Variants in MFHAS1 observed in about 807,000 individuals in gnomAD.
MFHAS1 encodes malignant fibrous histiocytoma-amplified sequence 1.
MFHAS1 carries 50 observed loss-of-function variants against 70.4 expected under a neutral mutation model. The ratio of observed to expected loss-of-function variants is 0.71; its 90% CI spans 0.57 to 0.90. The LOEUF (loss-of-function observed/expected upper bound fraction) is 0.90. Among genes scored for constraint, MFHAS1 ranks in the 40% least tolerant of loss-of-function variants. The probability of loss-of-function intolerance (pLI) is 0.00; values close to 1 mark genes in which losing one functional copy is unlikely to be tolerated. For synonymous variants in MFHAS1, 952 were observed against 620.0 expected (o/e 1.54, Z -7.96); for missense variants, 1,795 against 1,347.6 (o/e 1.33, Z -5.20).
chr8:8,882,413 CAAAAT>C (rs756257198), intron 1 of MFHAS1, among the ~76,000 whole-genome samples: 6 of 151,430 alleles, frequency 4.0e-5, no homozygotes, highest in African/African-American at 7.3e-5. Flanking sequence ...AACAAACAAA[CAAAAT>C]ATCATAAACA....
intron 1 of MFHAS1, among the ~76,000 whole-genome samples, chr8:8,837,534 T>G (rs763458390): frequency 1.3e-5 from 2 of 151,782 alleles, no homozygotes; most frequent in African/African-American, 2.4e-5. Context: ...CCCAAGCTAC[T>G]CGAGAGGCTG....
intron 1 of MFHAS1, among the ~76,000 whole-genome samples, chr8:8,804,154 T>C (rs1009197430): frequency 6.6e-6 from 1 of 152,180 alleles, no homozygotes; most frequent in African/African-American, 2.4e-5. Flanking sequence ...TAGGCTCACT[T>C]GATAATTGAA....
chr8:8,880,368 G>C (rs756034162), intron 1 of MFHAS1, among the ~76,000 whole-genome samples: 1 of 152,180 alleles, frequency 6.6e-6, no homozygotes, highest in Non-Finnish European at 1.5e-5. Context: ...AAATGACAGG[G>C]AATAGTTTAC....
intron 1 of MFHAS1, among the ~76,000 whole-genome samples, chr8:8,853,652 C>T (rs772875631): frequency 6.6e-6 from 1 of 152,046 alleles, no homozygotes; most frequent in African/African-American, 2.4e-5. Flanking sequence ...CTGCAAACTC[C>T]GCCTCCAGGG....
chr8:8,879,995 C>T lies in MFHAS1; in HGVS notation c.2998+10066G>A, dbSNP rs1040649446. ...AGCTCTATGCAGAAGACAAGAATTA[C>T]ACAACATTTATTTGTACTTCTCTTC... On this transcript the variant is annotated intron_variant, in intron 1 of 2. Coordinates refer to ENST00000276282, the MANE Select transcript of MFHAS1 (RefSeq NM_004225.3). Among the ~76,000 whole-genome samples, 4 of 152,202 alleles carry T rather than the reference C, an allele frequency of 2.6e-5. No individual in the cohort carries two copies. In the South Asian group the frequency reaches 8.3e-4, roughly 32 times the overall value.
At position 8,891,313 on chromosome 8, in the gene MFHAS1, C is replaced by T. The variant is rs1666239029; in HGVS notation, c.1746G>A (p.Arg582=). The T allele has an allele frequency of 1.2e-6, 2 of 1,611,218 alleles. No individual in the cohort carries two copies. The highest frequency in any genetic ancestry group is 1.7e-6 in the Non-Finnish European group (2 of 1,180,032). ...GGCTGGCAGAGCGCAGCTCGAAGTC[C>T]CGGGCCAGTGCCTCGTCCACCACCT... ...LAKVVDEALA[R]DFELRSASPH... The change falls in exon 1 of 3, where the codon CGG becomes CGA. Residue 582 remains arginine, a synonymous_variant. Coordinates refer to ENST00000276282, the MANE Select transcript of MFHAS1 (RefSeq NM_004225.3). This position sits in a 1 kb window ranked among gnomAD's most constrained non-coding sequence, Gnocchi z 5.4.
chr8:8,866,397 T>C (rs1808859539), intron 1 of MFHAS1, among the ~76,000 whole-genome samples: 1 of 151,822 alleles, frequency 6.6e-6, no homozygotes, highest in Non-Finnish European at 1.5e-5. Flanking sequence ...CAGCTCACCG[T>C]AGCCTCTGCC....
At chr8:8,817,575 C>A (rs1271643791) in intron 1 of MFHAS1, among the ~76,000 whole-genome samples, 1 of 152,228 alleles carries the variant, frequency 6.6e-6, no homozygotes, top group Non-Finnish European at 1.5e-5. Flanking sequence ...CCCCTGGACT[C>A]CATCCCAGCC....
intron 1 of MFHAS1, among the ~76,000 whole-genome samples, chr8:8,865,395 A>T (rs1808819922): frequency 6.6e-6 from 1 of 152,138 alleles, no homozygotes; most frequent in Non-Finnish European, 1.5e-5. Flanking sequence ...AAAAGGCAAA[A>T]ATCAGAAACT....
chr8:8,818,757 T>G (rs992280019), intron 1 of MFHAS1, among the ~76,000 whole-genome samples: 1 of 152,098 alleles, frequency 6.6e-6, no homozygotes, highest in Non-Finnish European at 1.5e-5. Flanking sequence ...GAAAGAGAGG[T>G]GTCTATGAGA....
intron 2 of MFHAS1, among the ~76,000 whole-genome samples, chr8:8,789,630 A>T (rs1441055331): frequency 6.6e-6 from 1 of 152,136 alleles, no homozygotes; most frequent in Non-Finnish European, 1.5e-5. Flanking sequence ...TATTTTCTGT[A>T]TTCTGGTGCT....
At chr8:8,808,937 T>A (rs1272287338) in intron 1 of MFHAS1, among the ~76,000 whole-genome samples, 1 of 152,088 alleles carries the variant, frequency 6.6e-6, no homozygotes, top group Non-Finnish European at 1.5e-5. Context: ...GAGTGGTAGG[T>A]GAGCAGGCAA....
chr8:8,824,615 A>G (rs1235091671), intron 1 of MFHAS1, among the ~76,000 whole-genome samples: 1 of 151,990 alleles, frequency 6.6e-6, no homozygotes, highest in African/African-American at 2.4e-5. Context: ...GCCAATATCT[A>G]TAAGAAGGTC....
intron 1 of MFHAS1, among the ~76,000 whole-genome samples, chr8:8,825,807 G>C (rs950120992): frequency 1.3e-5 from 2 of 152,192 alleles, no homozygotes; most frequent in African/African-American, 4.8e-5. Flanking sequence ...CAAAGGCTAA[G>C]TAAGAACCTG....
At chr8:8,805,614 C>T (rs952380968) in intron 1 of MFHAS1, among the ~76,000 whole-genome samples, 10 of 152,092 alleles carry the variant, frequency 6.6e-5, no homozygotes, top group African/African-American at 2.4e-4. Flanking sequence ...GTAAGTGGAC[C>T]GGCACAGTTC....
At chr8:8,884,850 T>C (rs1158138421) in intron 1 of MFHAS1, among the ~76,000 whole-genome samples, 1 of 152,054 alleles carries the variant, frequency 6.6e-6, no homozygotes, top group Admixed American at 6.6e-5. Flanking sequence ...CTCAGGAGGC[T>C]GAAGTAGGAG....
At chr8:8,792,701 T>C (rs1419680644) in intron 2 of MFHAS1, among the ~76,000 whole-genome samples, 1 of 152,184 alleles carries the variant, frequency 6.6e-6, no homozygotes, top group Non-Finnish European at 1.5e-5. Flanking sequence ...AGGCAGGAGA[T>C]TTCTTTTTGG....
intron 1 of MFHAS1, among the ~76,000 whole-genome samples, chr8:8,843,252 G>A (rs1807905268): frequency 6.7e-6 from 1 of 150,348 alleles, no homozygotes; most frequent in Non-Finnish European, 1.5e-5. Context: ...GTCCCGCCTG[G>A]GCGACAGAGC....
chr8:8,839,358 A>T (rs1160931829), intron 1 of MFHAS1, among the ~76,000 whole-genome samples: 4 of 152,256 alleles, frequency 2.6e-5, no homozygotes, highest in African/African-American at 9.6e-5. Flanking sequence ...CTATCTATGT[A>T]AAAGCCTGTC....
Sources: gnomAD v4.1 joint callset for allele counts (sites outside exome capture counted in the v4.1 genomes callset) on GRCh38, gnomAD v4.1.1 for gene constraint, Gnocchi (gnomAD v3.1) non-coding constraint, MANE v1.5 for transcripts, NCBI Gene and HGNC (gene_info 2026-07-23, HGNC 2026-07-21) for gene names.